PCDH15: variants seen among roughly 807,000 people sequenced by gnomAD.
The protein encoded by PCDH15 is protocadherin related 15.
PCDH15 carries 129 observed loss-of-function variants against 178.5 expected under a neutral mutation model. The ratio of observed to expected loss-of-function variants is 0.72; its 90% CI spans 0.63 to 0.84. The LOEUF is 0.84. Ranked by LOEUF, PCDH15 falls within the 40% of genes least tolerant of loss-of-function variation. PCDH15 has a pLI of 0.00. For missense variants in PCDH15, 2,230 were observed against 2,099.9 expected, an observed-to-expected ratio of 1.06 and a Z score of -1.21; for synonymous variants, 800 against 732.0, an observed-to-expected ratio of 1.09 and a Z score of -1.50.
intron 1 of PCDH15, among the ~76,000 whole-genome samples, chr10:55,210,722 G>A (rs1183309387): frequency 1.5e-5 from 2 of 132,658 alleles, no homozygotes; most frequent in Non-Finnish European, 3.1e-5. Flanking sequence ...TCTGCCTCCC[G>A]TGTTCAAGTG....
At chr10:54,152,640 G>A (rs955468473) in intron 14 of PCDH15, among the ~76,000 whole-genome samples, 1 of 152,012 alleles carries the variant, frequency 6.6e-6, no homozygotes, top group African/African-American at 2.4e-5. Context: ...TCAGGTGGGA[G>A]ACTAGAAAGA....
intron 2 of PCDH15, among the ~76,000 whole-genome samples, chr10:54,942,492 T>C (rs145400143): frequency 2.8e-4 from 42 of 152,200 alleles, no homozygotes; most frequent in African/African-American, 9.6e-4. Flanking sequence ...AGTCCTCAAA[T>C]AATTTTAATA....
At chr10:54,259,683 T>C (rs1465442769) in intron 8 of PCDH15, among the ~76,000 whole-genome samples, 1 of 152,160 alleles carries the variant, frequency 6.6e-6, no homozygotes, top group Non-Finnish European at 1.5e-5. Flanking sequence ...TACTATGGAT[T>C]AGTTCTCTGT....
chr10:55,141,581 G>A (rs1056128298), intron 2 of PCDH15, among the ~76,000 whole-genome samples: 1 of 152,056 alleles, frequency 6.6e-6, no homozygotes, highest in African/African-American at 2.4e-5. Flanking sequence ...GACAATGCTA[G>A]ATATCATTAT....
intron 2 of PCDH15, among the ~76,000 whole-genome samples, chr10:55,083,920 A>G (rs1842102539): frequency 6.6e-6 from 1 of 151,868 alleles, no homozygotes; most frequent in Admixed American, 6.6e-5. Context: ...CAAGAAATCA[A>G]AGGAGACACA....
chr10:54,307,799 C>G (rs2060646998), intron 8 of PCDH15, among the ~76,000 whole-genome samples: 1 of 152,004 alleles, frequency 6.6e-6, no homozygotes, highest in African/African-American at 2.4e-5. Context: ...GTCCTATCTA[C>G]ATACAACTCA....
At chr10:55,395,705 C>G (rs924455294) in intron 2 of PCDH15, among the ~76,000 whole-genome samples, 2 of 151,874 alleles carry the variant, frequency 1.3e-5, no homozygotes, top group African/African-American at 4.8e-5. Flanking sequence ...GCCTATGAAG[C>G]CCAGCTTCTT....
At chr10:53,914,160 T>C (rs980232009) in intron 25 of PCDH15, among the ~76,000 whole-genome samples, 4 of 152,312 alleles carry the variant, frequency 2.6e-5, no homozygotes, top group Admixed American at 6.5e-5. Context: ...TTTTACACTG[T>C]TGGTGGGAGT....
chr10:53,952,554 T>C (rs1017404350), intron 23 of PCDH15, among the ~76,000 whole-genome samples: 14 of 152,172 alleles, frequency 9.2e-5, no homozygotes, highest in African/African-American at 3.4e-4. Context: ...ATAGGCAGCC[T>C]GGAGAAAGCA....
intron 2 of PCDH15, among the ~76,000 whole-genome samples, chr10:55,455,088 A>G (rs771470154): frequency 6.6e-6 from 1 of 152,136 alleles, no homozygotes; most frequent in Non-Finnish European, 1.5e-5. Context: ...GTGGTATATT[A>G]TAGTAAAAGT....
At chr10:54,101,775 T>G (rs1174172896) in intron 15 of PCDH15, among the ~76,000 whole-genome samples, 1 of 151,906 alleles carries the variant, frequency 6.6e-6, no homozygotes, top group Non-Finnish European at 1.5e-5. Context: ...AAAAACAGCG[T>G]GGGCAACATG....
chr10:55,379,745 G>A (rs918600389), intron 2 of PCDH15, among the ~76,000 whole-genome samples: 15 of 151,970 alleles, frequency 9.9e-5, no homozygotes, highest in Admixed American at 2.0e-4. Context: ...TGGGCTCCTT[G>A]AGAGGCTAGT....
At chr10:55,610,755 G>C (rs115873538) in intron 2 of PCDH15, among the ~76,000 whole-genome samples, 1 of 151,856 alleles carries the variant, frequency 6.6e-6, no homozygotes, top group East Asian at 1.9e-4. Context: ...AAACTTGCCC[G>C]TCATCAAAAT....
intron 8 of PCDH15, among the ~76,000 whole-genome samples, chr10:54,294,148 A>G (rs1050130751): frequency 6.6e-6 from 1 of 152,222 alleles, no homozygotes; most frequent in Non-Finnish European, 1.5e-5. Context: ...ATAAAAAAGG[A>G]TGAGTTAATG....
chr10:54,837,664 GA>G (rs1459704829), intron 3 of PCDH15, among the ~76,000 whole-genome samples: 34 of 152,230 alleles, frequency 2.2e-4, no homozygotes, highest in African/African-American at 7.9e-4. Context: ...ATAGAGTGAT[GA>G]TGTCAGCAAA....
At chr10:53,845,381 A>T (rs1258407015) in intron 28 of PCDH15, among the ~76,000 whole-genome samples, 1 of 151,966 alleles carries the variant, frequency 6.6e-6, no homozygotes, top group Non-Finnish European at 1.5e-5. Context: ...CTAGGTATAC[A>T]TCCAAAAGAA....
intron 2 of PCDH15, among the ~76,000 whole-genome samples, chr10:55,042,306 G>C (rs913233144): frequency 6.6e-6 from 1 of 152,010 alleles, no homozygotes; most frequent in Non-Finnish European, 1.5e-5. Context: ...CTTGAAAACA[G>C]AATTCTGACA....
At chr10:55,185,543 CT>C (rs1229479573) in intron 1 of PCDH15, among the ~76,000 whole-genome samples, 1 of 151,596 alleles carries the variant, frequency 6.6e-6, no homozygotes. Flanking sequence ...CAGTATATCT[CT>C]ACAAAAATAT....
At chr10:54,712,398 A>G (rs935982044) in intron 1 of PCDH15, among the ~76,000 whole-genome samples, 5 of 152,102 alleles carry the variant, frequency 3.3e-5, no homozygotes, top group Admixed American at 1.3e-4. Flanking sequence ...AACAAGCAGT[A>G]GAAGAGACAT....
Sources: gnomAD v4.1 joint callset for allele counts (sites outside exome capture counted in the v4.1 genomes callset) on GRCh38, gnomAD v4.1.1 for gene constraint, MANE v1.5 for transcripts, NCBI Gene and HGNC (gene_info 2026-07-23, HGNC 2026-07-21) for gene names.